COG3: variants seen among roughly 807,000 people sequenced by gnomAD.
The protein encoded by COG3 is component of oligomeric golgi complex 3.
COG3 carries 32 observed loss-of-function variants against 114.1 expected under a neutral mutation model. The observed-to-expected ratio is 0.28, with a 90% CI of 0.21 to 0.38. The LOEUF (loss-of-function observed/expected upper bound fraction) is 0.38. COG3 is among the 10% of genes least tolerant of loss of function. COG3 has a pLI of 1.00. For missense variants in COG3, 813 were observed against 973.2 expected (o/e 0.84, Z 2.19); for synonymous variants, 352 against 365.7 (o/e 0.96, Z 0.43).
At chr13:45,521,802 C>CTT (rs59075597) in intron 19 of COG3, among the ~76,000 whole-genome samples, 1 of 111,406 alleles carries the variant, frequency 9.0e-6, no homozygotes, top group Non-Finnish European at 1.9e-5. Flanking sequence ...ATTTAGTTAG[C>CTT]TTTTTTTTTT....
chr13:45,517,684 CT>C (rs1871692360), intron 17 of COG3, among the ~76,000 whole-genome samples: 1 of 152,068 alleles, frequency 6.6e-6, no homozygotes, highest in African/African-American at 2.4e-5. Context: ...TCATTCATTC[CT>C]TTCAGTGTGA....
intron 22 of COG3, 106 bp downstream of exon 22, chr13:45,530,886 AT>A (rs66498730): frequency 0.37 from 509,656 of 1,372,322 alleles, 98,428 homozygotes; most frequent in Admixed American, 0.42. Flanking sequence ...AATTTAAAAA[AT>A]ATTACCTTCT....
chr13:45,512,000 G>C, intron 16 of COG3, 146 bp downstream of exon 16: 2 of 638,318 alleles, frequency 3.1e-6, no homozygotes, highest in Non-Finnish European at 5.6e-6. Flanking sequence ...GAGAGAAACT[G>C]TTATTTCATT....
chr13:45,509,584 A>G, intron 14 of COG3, 108 bp from the exon 15 acceptor site: 1 of 1,398,500 alleles, frequency 7.2e-7, no homozygotes. Context: ...GGTGCCCTCT[A>G]GCTACTTATA....
At chr13:45,501,352 T>A (rs1303301489) in intron 13 of COG3, among the ~76,000 whole-genome samples, 1 of 152,262 alleles carries the variant, frequency 6.6e-6, no homozygotes, top group Non-Finnish European at 1.5e-5. Flanking sequence ...TCCAATTTGT[T>A]GATTCAATCA....
chr13:45,484,096 C>T (rs1041962744), intron 7 of COG3, among the ~76,000 whole-genome samples: 1 of 152,094 alleles, frequency 6.6e-6, no homozygotes, highest in Non-Finnish European at 1.5e-5. Context: ...AAATCATAAA[C>T]GTTATGTTTT....
In COG3 at chr13:45,496,835, G is replaced by A. The variant is rs1381572263; in HGVS notation, c.1488+523G>A. ...ACTACAGGCGCCCGCCACCACACCC[G>A]GCTAATTTTTTATATTTTTAGTAGA... is the stretch of plus-strand genomic sequence containing the variant. On this transcript the variant is annotated intron_variant, in intron 13 of 22. Coordinates refer to ENST00000349995, the MANE Select transcript of COG3 (RefSeq NM_031431.4). Among the ~76,000 whole-genome samples, 11 of 151,730 alleles carry A rather than the reference G, an allele frequency of 7.2e-5. No homozygotes were observed. In the South Asian group the frequency reaches 2.1e-3, roughly 29 times the overall value.
In COG3 at chr13:45,529,784, T is replaced by C; in HGVS notation, c.2231-7T>C. 1 of 1,602,546 alleles carries C rather than the reference T, an allele frequency of 6.2e-7. No individual in the cohort carries two copies. Among genetic ancestry groups the C allele is most frequent in the Non-Finnish European group, 8.5e-7 (1 of 1,174,242 alleles). ...TTATGACACTAATGAGGTTACTTTA[T>C]TTCCAGCAAAGGTCAATGACCTTGC... On this transcript the variant is annotated splice_polypyrimidine_tract_variant and splice_region_variant and intron_variant, in intron 20 of 22. Coordinates refer to ENST00000349995, the MANE Select transcript of COG3 (RefSeq NM_031431.4).
chr13:45,487,242 CAAAACAA>C (rs1315066958), intron 8 of COG3, among the ~76,000 whole-genome samples: 1 of 152,010 alleles, frequency 6.6e-6, no homozygotes, highest in East Asian at 1.9e-4. Context: ...ATACAAAAAT[CAAAACAA>C]AATGGATTAC....
intron 20 of COG3, among the ~76,000 whole-genome samples, chr13:45,526,076 A>ATTTTTATTTT (rs1872656209): frequency 1.8e-5 from 1 of 56,572 alleles, no homozygotes; most frequent in Non-Finnish European, 3.0e-5. Context: ...CAAAATTTTA[A>ATTTTTATTTT]TTTTTTTTTT....
intron 13 of COG3, among the ~76,000 whole-genome samples, chr13:45,497,686 T>C (rs924928258): frequency 4.0e-5 from 6 of 151,812 alleles, no homozygotes; most frequent in African/African-American, 1.5e-4. Flanking sequence ...CTCAGGAGGT[T>C]GAGATGGGAA....
intron 7 of COG3, among the ~76,000 whole-genome samples, chr13:45,484,534 A>G (rs1886446215): frequency 6.6e-6 from 1 of 152,104 alleles, no homozygotes. Flanking sequence ...ATGTGTAGCC[A>G]TAATAATATT....
chr13:45,500,078 G>T (rs1566257144), intron 13 of COG3, among the ~76,000 whole-genome samples: 1 of 50,706 alleles, frequency 2.0e-5, no homozygotes, highest in African/African-American at 5.9e-5. Context: ...GTGTGTGTGT[G>T]TGTGTGTGTG....
chr13:45,505,230 T>C (rs547996606), intron 14 of COG3, among the ~76,000 whole-genome samples: 24 of 151,754 alleles, frequency 1.6e-4, no homozygotes, highest in African/African-American at 5.5e-4. Flanking sequence ...TAGTAATTTT[T>C]ATATTGATTA....
At chr13:45,493,263 G>T in intron 11 of COG3, 84 bp from the exon 12 acceptor site, 1 of 1,092,506 alleles carries the variant, frequency 9.2e-7, no homozygotes, top group Non-Finnish European at 1.3e-6. Context: ...CTTATTGACT[G>T]GAAGAAATCA....
In COG3 at chr13:45,484,372, A is replaced by G. The variant is rs112677918; in HGVS notation, c.843+1017A>G. On this transcript the variant is annotated intron_variant, in intron 7 of 22. Transcript: ENST00000349995. ...GTTTAATGGATGCACTGAGTCTTAG[A>G]GGGATGAAGTACTTGGGCCAGTGTC... is the stretch of plus-strand genomic sequence containing the variant. 3.1e-4 allele frequency among the ~76,000 whole-genome samples: 20 copies of G among 63,736 alleles called. 1 individual carries two copies. In the Admixed American group the frequency reaches 3.4e-3, roughly 11 times the overall value. The allele number at this position is 63,736 out of a possible 152,430, so 41.8% of individuals were successfully genotyped here.
intron 12 of COG3, among the ~76,000 whole-genome samples, chr13:45,494,571 G>C (rs1448861919): frequency 6.6e-6 from 1 of 152,082 alleles, no homozygotes; most frequent in Non-Finnish European, 1.5e-5. Context: ...TGTCATCCAG[G>C]CTGGAGTGCA....
intron 7 of COG3, among the ~76,000 whole-genome samples, chr13:45,485,224 AG>A (rs1175431983): frequency 2.0e-5 from 1 of 49,906 alleles, no homozygotes; most frequent in East Asian, 5.8e-4. Flanking sequence ...CTGGCCGGGC[AG>A]GGGGGCTGAC....
intron 15 of COG3, among the ~76,000 whole-genome samples, chr13:45,510,963 T>A (rs1870793913): frequency 1.3e-5 from 2 of 152,166 alleles, no homozygotes. Context: ...AAAAAGAGAA[T>A]AACATCAAGT....
Sources: gnomAD v4.1 joint callset for allele counts (sites outside exome capture counted in the v4.1 genomes callset) on GRCh38, gnomAD v4.1.1 for gene constraint, MANE v1.5 for transcripts, NCBI Gene and HGNC (gene_info 2026-07-23, HGNC 2026-07-21) for gene names.